The following HS2ST1 variants were observed in gnomAD, a reference collection of about 807,000 sequenced individuals.
HS2ST1 encodes heparan sulfate 2-O-sulfotransferase 1.
In HS2ST1, 18 loss-of-function variants were observed where a neutral mutation model predicts 42.9. That is an observed-to-expected ratio of 0.42 (90% CI 0.29 to 0.62). The LOEUF (loss-of-function observed/expected upper bound fraction) is 0.62, where lower values mean the gene tolerates loss of function less well. HS2ST1 is among the 20% of genes least tolerant of loss of function. HS2ST1 has a pLI of 0.21. For synonymous variants in HS2ST1, 146 were observed against 152.9 expected (o/e 0.95, Z 0.33); for missense variants, 334 against 433.8 (o/e 0.77, Z 2.04).
At chr1:86,977,000 T>C (rs577226445) in intron 1 of HS2ST1, among the ~76,000 whole-genome samples, 1 of 151,868 alleles carries the variant, frequency 6.6e-6, no homozygotes, top group East Asian at 1.9e-4. Flanking sequence ...ACATGAGCTA[T>C]GTTCACACCA....
intron 1 of HS2ST1, among the ~76,000 whole-genome samples, chr1:86,957,596 TA>T (rs772428299): frequency 1.3e-5 from 2 of 152,166 alleles, no homozygotes; most frequent in Non-Finnish European, 2.9e-5. Context: ...CAGTTAAATA[TA>T]CTTGGATTGA....
Position 87,045,570 on chromosome 1 carries a change from T to C in HS2ST1, c.125-27364T>C, listed in dbSNP as rs1436875715. 3 of 792,230 alleles carry C rather than the reference T, an allele frequency of 3.8e-6. No individual in the cohort carries two copies. In the Admixed American group the frequency reaches 5.1e-5, roughly 14 times the overall value. The allele number at this position is 792,230 out of a possible 1,614,324, so 49.1% of individuals were successfully genotyped here. On this transcript the variant is annotated intron_variant, in intron 1 of 6. Transcript: ENST00000370550. ...ATCCAGTGCACAAGGCACAAGAAAC[T>C]TCTTTCTTGGATTTGCTTGTTTATT...
chr1:86,947,746 G>A (rs1647383521), intron 1 of HS2ST1, among the ~76,000 whole-genome samples: 1 of 152,250 alleles, frequency 6.6e-6, no homozygotes, highest in Non-Finnish European at 1.5e-5. Context: ...TGCTGGGTGT[G>A]TTTATATTTA....
chr1:86,965,978 C>T (rs1456768326), intron 1 of HS2ST1, among the ~76,000 whole-genome samples: 1 of 152,150 alleles, frequency 6.6e-6, no homozygotes, highest in Non-Finnish European at 1.5e-5. Flanking sequence ...ATTTTCATTT[C>T]CTCTGTTTCT....
At chr1:86,954,691 G>C (rs1647627649) in intron 1 of HS2ST1, among the ~76,000 whole-genome samples, 1 of 152,226 alleles carries the variant, frequency 6.6e-6, no homozygotes, top group South Asian at 2.1e-4. Flanking sequence ...TTCTTCTCAT[G>C]TATGTTACAG....
intron 1 of HS2ST1, among the ~76,000 whole-genome samples, chr1:87,036,867 A>G (rs1650387255): frequency 6.6e-6 from 1 of 152,170 alleles, no homozygotes; most frequent in Non-Finnish European, 1.5e-5. Context: ...TGAGGGAAGT[A>G]TGTCCTTTCT....
intron 1 of HS2ST1, among the ~76,000 whole-genome samples, chr1:86,917,824 A>T (rs1049814759): frequency 6.6e-6 from 1 of 152,252 alleles, no homozygotes; most frequent in African/African-American, 2.4e-5. Flanking sequence ...TCTGATACAA[A>T]GGAATTGGTT....
intron 2 of HS2ST1, among the ~76,000 whole-genome samples, chr1:87,083,337 G>A (rs150449158): frequency 1.2e-4 from 19 of 152,194 alleles, no homozygotes; most frequent in African/African-American, 3.9e-4. Context: ...GTTTCGGTGC[G>A]GTACAGGTTG....
chr1:87,069,761 T>A (rs1025420142), intron 1 of HS2ST1, among the ~76,000 whole-genome samples: 1 of 152,224 alleles, frequency 6.6e-6, no homozygotes, highest in African/African-American at 2.4e-5. Flanking sequence ...CCAATATTTC[T>A]ACCTTTTCAT....
intron 1 of HS2ST1, among the ~76,000 whole-genome samples, chr1:87,049,305 G>GT (rs1198070867): frequency 6.6e-6 from 1 of 151,486 alleles, no homozygotes; most frequent in Non-Finnish European, 1.5e-5. Flanking sequence ...CTGGCTAGAA[G>GT]TTTATCAGTT....
At chr1:87,055,167 G>A (rs967809325) in intron 1 of HS2ST1, among the ~76,000 whole-genome samples, 1 of 152,110 alleles carries the variant, frequency 6.6e-6, no homozygotes, top group African/African-American at 2.4e-5. Context: ...TCTTACACAA[G>A]CTTGAAATAA....
chr1:87,009,401 A>T (rs1649529475), intron 1 of HS2ST1, among the ~76,000 whole-genome samples: 1 of 152,212 alleles, frequency 6.6e-6, no homozygotes, highest in African/African-American at 2.4e-5. Context: ...CTTGTTATTT[A>T]TGGTAGTTCC....
At chr1:87,053,728 G>A (rs997253140) in intron 1 of HS2ST1, among the ~76,000 whole-genome samples, 1 of 152,216 alleles carries the variant, frequency 6.6e-6, no homozygotes, top group East Asian at 1.9e-4. Context: ...GTATCTACAA[G>A]TGGACAACAT....
chr1:87,001,595 AG>A (rs1419443637), intron 1 of HS2ST1, among the ~76,000 whole-genome samples: 1 of 152,234 alleles, frequency 6.6e-6, no homozygotes, highest in Non-Finnish European at 1.5e-5. Context: ...GTTTATGAAA[AG>A]TTGTTATTGT....
intron 2 of HS2ST1, among the ~76,000 whole-genome samples, chr1:87,083,591 C>T (rs966131510): frequency 1.3e-5 from 2 of 151,938 alleles, no homozygotes; most frequent in Admixed American, 6.6e-5. Flanking sequence ...TACGTTAATT[C>T]CAATAAGTTA....
intron 1 of HS2ST1, among the ~76,000 whole-genome samples, chr1:86,950,608 A>G (rs932861231): frequency 1.3e-5 from 2 of 152,188 alleles, no homozygotes; most frequent in Non-Finnish European, 2.9e-5. Flanking sequence ...CTTCTTCTTA[A>G]TGGGGTACAT....
At chr1:86,919,789 C>A (rs1660252280) in intron 1 of HS2ST1, among the ~76,000 whole-genome samples, 1 of 151,914 alleles carries the variant, frequency 6.6e-6, no homozygotes, top group African/African-American at 2.4e-5. Flanking sequence ...ACATAACGTG[C>A]AGATTGTGAG....
intron 1 of HS2ST1, among the ~76,000 whole-genome samples, chr1:86,968,207 T>C (rs1648117544): frequency 6.6e-6 from 1 of 152,226 alleles, no homozygotes; most frequent in African/African-American, 2.4e-5. Context: ...GATGCATAGT[T>C]GGCAATTATT....
At chr1:87,070,889 A>G (rs1030075279) in intron 1 of HS2ST1, among the ~76,000 whole-genome samples, 2 of 152,060 alleles carry the variant, frequency 1.3e-5, no homozygotes, top group Non-Finnish European at 2.9e-5. Flanking sequence ...CATACTGTAT[A>G]TTGTCTAGGC....
Sources: gnomAD v4.1 joint callset for allele counts (sites outside exome capture counted in the v4.1 genomes callset) on GRCh38, gnomAD v4.1.1 for gene constraint, MANE v1.5 for transcripts, NCBI Gene and HGNC (gene_info 2026-07-23, HGNC 2026-07-21) for gene names.